TRAF2: variants seen among roughly 807,000 people sequenced by gnomAD.
TRAF2 encodes TNF receptor associated factor 2, also known as TNF receptor-associated factor 2.
In TRAF2, 6 loss-of-function variants were observed where a neutral mutation model predicts 55.6. The observed-to-expected ratio is 0.11, with a 90% CI of 0.06 to 0.21. The LOEUF is 0.21. TRAF2 is among the 10% of genes least tolerant of loss of function. The pLI is 1.00. For synonymous variants in TRAF2, 329 were observed against 276.3 expected (o/e 1.19, Z -1.89); for missense variants, 561 against 684.5 (o/e 0.82, Z 2.01).
intron 1 of TRAF2, among the ~76,000 whole-genome samples, chr9:136,896,793 A>G (rs1849689904): frequency 6.6e-6 from 1 of 152,166 alleles, no homozygotes; most frequent in African/African-American, 2.4e-5. Context: ...TATTTTTAAT[A>G]GAGACGGGGT....
At chr9:136,915,300 G>A (rs933843242) in intron 6 of TRAF2, among the ~76,000 whole-genome samples, 12 of 152,176 alleles carry the variant, frequency 7.9e-5, no homozygotes, top group Non-Finnish European at 1.5e-4. Context: ...AGCGCCGTGC[G>A]GTCGTTCAGA....
intron 7 of TRAF2, among the ~76,000 whole-genome samples, chr9:136,918,180 G>A (rs529426212): frequency 4.7e-5 from 7 of 149,504 alleles, no homozygotes; most frequent in African/African-American, 1.7e-4. Flanking sequence ...GGGTACACAT[G>A]TAGGTCCATT....
intron 7 of TRAF2, among the ~76,000 whole-genome samples, chr9:136,918,227 T>TATGTATATATA (rs1850286424): frequency 1.5e-5 from 1 of 68,080 alleles, no homozygotes; most frequent in African/African-American, 8.0e-5. Flanking sequence ...AGTGTTTTGT[T>TATGTATATATA]TATATATATA....
In TRAF2 at chr9:136,925,912, C is replaced by G. The variant is rs1850519442; in HGVS notation, c.*11C>G. On this transcript the variant is annotated 3_prime_UTR_variant, in exon 11 of 11. Transcript: ENST00000247668. The stretch of plus-strand genomic sequence containing the variant: ...CTGACAGGGCTCTAACTGCCCCCTA[C>G]TGGTGTCTGGGGGTTGGGGGCAGCC... 1.9e-6 allele frequency: 3 copies of G among 1,613,760 alleles called. No individual in the cohort carries two copies. Among genetic ancestry groups the G allele is most frequent in the Non-Finnish European group, 2.5e-6 (3 of 1,179,868 alleles).
At chr9:136,900,696 C>G in intron 4 of TRAF2, 176 bp downstream of exon 4, 1 of 684,466 alleles carries the variant, frequency 1.5e-6, no homozygotes, top group Non-Finnish European at 2.7e-6. Flanking sequence ...TTTAGAAACT[C>G]AAGTAGTGCA....
At chr9:136,921,603 G>A (rs1288441282) in intron 9 of TRAF2, among the ~76,000 whole-genome samples, 1 of 152,176 alleles carries the variant, frequency 6.6e-6, no homozygotes, top group Non-Finnish European at 1.5e-5. Context: ...GGTGGGACAT[G>A]GCTCTCAGGG....
intron 4 of TRAF2, among the ~76,000 whole-genome samples, chr9:136,905,269 C>CG (rs1849919490): frequency 6.6e-6 from 1 of 152,220 alleles, no homozygotes; most frequent in Non-Finnish European, 1.5e-5. Context: ...CTCCTCTCTC[C>CG]GGGTTGTGCC....
intron 6 of TRAF2, among the ~76,000 whole-genome samples, chr9:136,914,945 G>A (rs977522201): frequency 2.6e-5 from 4 of 151,418 alleles, no homozygotes; most frequent in Admixed American, 2.6e-4. Context: ...TTTGAAAGGC[G>A]GAGGCGAGCG....
intron 6 of TRAF2, among the ~76,000 whole-genome samples, chr9:136,912,140 C>A (rs1850126441): frequency 7.2e-6 from 1 of 139,258 alleles, no homozygotes; most frequent in African/African-American, 2.7e-5. Context: ...GCGTGAGCCA[C>A]TGCGTCTGGC....
At chr9:136,909,652 T>G (rs1850052915) in intron 5 of TRAF2, among the ~76,000 whole-genome samples, 1 of 152,214 alleles carries the variant, frequency 6.6e-6, no homozygotes, top group Admixed American at 6.5e-5. Flanking sequence ...GGGCCGTTGT[T>G]TCACGTGGCT....
At position 136,925,968 on chromosome 9, in the gene TRAF2, C is replaced by T. The variant is rs573909562; in HGVS notation, c.*67C>T. On this transcript the variant is annotated 3_prime_UTR_variant, in exon 11 of 11. Transcript: ENST00000247668. The stretch of plus-strand genomic sequence containing the variant: ...CAGCCGGCTCACGGAGGGGCCACCA[C>T]GCTGGGCCAGGGTCTCACTGTACAA... The T allele has an allele frequency of 1.3e-4, 207 of 1,584,284 alleles. No homozygotes were observed. The highest frequency in any genetic ancestry group is 3.3e-4 in the Middle Eastern group (2 of 6,012).
At chr9:136,899,773 C>G in intron 3 of TRAF2, 101 bp downstream of exon 3, 2 of 1,185,772 alleles carry the variant, frequency 1.7e-6, no homozygotes, top group Non-Finnish European at 2.4e-6. Flanking sequence ...ACCTGTAATC[C>G]CAGCACTTTG....
At chr9:136,882,721 C>G, upstream of TRAF2, 1 of 985,564 alleles carries the variant, frequency 1.0e-6, no homozygotes, top group Non-Finnish European at 1.2e-6. Flanking sequence ...GTGAGTCACC[C>G]CTTTCCAGCC....
chr9:136,923,631 A>C (rs1445615420), intron 9 of TRAF2, among the ~76,000 whole-genome samples: 3 of 151,480 alleles, frequency 2.0e-5, no homozygotes, highest in Non-Finnish European at 4.4e-5. Context: ...AAAAAAAAAA[A>C]AAAACTTTTT....
chr9:136,899,918 C>T (rs1849775059), intron 3 of TRAF2, among the ~76,000 whole-genome samples: 1 of 152,132 alleles, frequency 6.6e-6, no homozygotes, highest in Non-Finnish European at 1.5e-5. Context: ...GTAATCCCAG[C>T]ACTTTGCAGG....
At chr9:136,887,903 C>G (rs945337223) in intron 1 of TRAF2, among the ~76,000 whole-genome samples, 2 of 151,998 alleles carry the variant, frequency 1.3e-5, no homozygotes, top group African/African-American at 4.8e-5. Context: ...TAGTTTTGGT[C>G]TTGTTGCCCA....
At chr9:136,889,683 T>A (rs1335364002) in intron 1 of TRAF2, 2 of 152,246 alleles carry the variant, frequency 1.3e-5, no homozygotes, top group Non-Finnish European at 2.9e-5. Context: ...GGTCTCGAAC[T>A]CCTGGCCTGA....
At chr9:136,921,802 G>GCAGGCTC (rs1850393045) in intron 9 of TRAF2, among the ~76,000 whole-genome samples, 1 of 152,086 alleles carries the variant, frequency 6.6e-6, no homozygotes, top group Admixed American at 6.5e-5. Context: ...CTGCCCAGCT[G>GCAGGCTC]CAGGCTCCTG....
At chr9:136,886,505 G>C, upstream of TRAF2, 2 of 999,138 alleles carry the variant, frequency 2.0e-6, no homozygotes, top group Non-Finnish European at 2.4e-6. Flanking sequence ...GCGGTAGCTG[G>C]GCGGGCCCTT....
Sources: gnomAD v4.1 joint callset for allele counts (sites outside exome capture counted in the v4.1 genomes callset) on GRCh38, gnomAD v4.1.1 for gene constraint, MANE v1.5 for transcripts, NCBI Gene and HGNC (gene_info 2026-07-23, HGNC 2026-07-21) for gene names.